The following CACHD1 variants were observed in gnomAD, a reference collection of about 807,000 sequenced individuals.
The protein encoded by CACHD1 is VWFA and cache domain-containing protein 1.
CACHD1 carries 71 observed loss-of-function variants against 138.7 expected under a neutral mutation model. That is an observed-to-expected ratio of 0.51 (90% confidence interval 0.42 to 0.62). The LOEUF (loss-of-function observed/expected upper bound fraction) is 0.62. Ranked by LOEUF, CACHD1 falls within the 20% of genes least tolerant of loss-of-function variation. The pLI is 0.00. For synonymous variants in CACHD1, 578 were observed against 591.5 expected, an observed-to-expected ratio of 0.98 and a Z score of 0.33; for missense variants, 1,389 against 1,625.3, an observed-to-expected ratio of 0.85 and a Z score of 2.50.
At chr1:64,681,541 G>GTTTTTTGTTTT (rs1650182741) in intron 25 of CACHD1, among the ~76,000 whole-genome samples, 1 of 68,132 alleles carries the variant, frequency 1.5e-5, no homozygotes, top group South Asian at 6.3e-4. Context: ...ATTTTATTGT[G>GTTTTTTGTTTT]TTTTTTTTTT....
chr1:64,517,088 G>T (rs1646464655), intron 1 of CACHD1, among the ~76,000 whole-genome samples: 1 of 152,198 alleles, frequency 6.6e-6, no homozygotes, highest in Non-Finnish European at 1.5e-5. Flanking sequence ...CTTGTTATAT[G>T]TGTGAGACAT....
chr1:64,571,481 T>A (rs907411573), intron 2 of CACHD1, among the ~76,000 whole-genome samples: 4 of 152,140 alleles, frequency 2.6e-5, no homozygotes, highest in Non-Finnish European at 4.4e-5. Flanking sequence ...AATAGAAACA[T>A]CTAGATTTTT....
intron 2 of CACHD1, among the ~76,000 whole-genome samples, chr1:64,571,132 C>T (rs1401144686): frequency 6.6e-6 from 1 of 152,174 alleles, no homozygotes; most frequent in African/African-American, 2.4e-5. Flanking sequence ...GCTCCTGCCT[C>T]CTAATGCCAC....
At chr1:64,479,328 G>C (rs770743711) in intron 1 of CACHD1, among the ~76,000 whole-genome samples, 24 of 152,196 alleles carry the variant, frequency 1.6e-4, no homozygotes, top group Non-Finnish European at 2.9e-4. Context: ...GGAGGTTCAG[G>C]ATGCTTGGAG....
intron 8 of CACHD1, among the ~76,000 whole-genome samples, chr1:64,646,905 G>A (rs12061466): frequency 0.22 from 33,966 of 151,986 alleles, 6,295 homozygotes; most frequent in East Asian, 0.63. Context: ...AATAGTTCAT[G>A]GTTTGGTATT....
intron 1 of CACHD1, among the ~76,000 whole-genome samples, chr1:64,477,615 ATTATTATTATT>A: frequency 7.1e-6 from 1 of 141,642 alleles, no homozygotes; most frequent in African/African-American, 2.7e-5. Flanking sequence ...TATTATTATT[ATTATTATTATT>A]TTATTTTATT....
At chr1:64,676,521 T>C (rs1362918869) in intron 21 of CACHD1, among the ~76,000 whole-genome samples, 2 of 152,100 alleles carry the variant, frequency 1.3e-5, no homozygotes, top group Non-Finnish European at 2.9e-5. Flanking sequence ...CAGGATGGAG[T>C]GCAGTGGCGC....
At chr1:64,518,031 G>C (rs980131163) in intron 1 of CACHD1, among the ~76,000 whole-genome samples, 2 of 152,140 alleles carry the variant, frequency 1.3e-5, no homozygotes, top group Non-Finnish European at 2.9e-5. Context: ...TCTCTTCCAG[G>C]CTTCCCTTAC....
In CACHD1 at chr1:64,605,887, T is replaced by C. The variant is rs564294313; in HGVS notation, c.517+2975T>C. Among the ~76,000 whole-genome samples, 4 of 152,206 alleles carry C rather than the reference T, an allele frequency of 2.6e-5. No homozygotes were observed. In the South Asian group the frequency reaches 6.2e-4, roughly 24 times the overall value. ...ATACTCAGGCCATTCTTCCAGGTTATGGACTTTAGCTTTTGCTCTGAATGA... is the reference window on the plus strand; with the variant it reads ...ATACTCAGGCCATTCTTCCAGGTTACGGACTTTAGCTTTTGCTCTGAATGA... On this transcript the variant is annotated intron_variant, in intron 4 of 26. Transcript: ENST00000651257.
chr1:64,664,602 A>G lies in CACHD1; in HGVS notation c.2199A>G (p.Ile733Met), dbSNP rs749642490. 2.5e-6 allele frequency: 4 copies of G among 1,614,106 alleles called. No homozygotes were observed. The African/African-American group carries it at 4.0e-5, about 16-fold the overall frequency. Residue 733 changes from isoleucine (I) to methionine (M), a missense_variant, in exon 15 of 27, where the codon ATA becomes ATG. Around this residue, in one of 5 missense-constraint regions of CACHD1, gnomAD observed 1,000 missense variants for 1,114.7 expected, o/e 0.90. Transcript: ENST00000651257. ...SLNTYIVRRY[I>M]ATPNGVLRIY... ...ACACTTACATTGTCCGCCGTTACAT[A>G]GCAACACCCAATGGCGTCCTCAGAA...
chr1:64,683,032 A>G lies in CACHD1; in HGVS notation c.3586+926A>G, dbSNP rs184427236. On this transcript the variant is annotated intron_variant, in intron 26 of 26. Coordinates refer to ENST00000651257, the MANE Select transcript of CACHD1 (RefSeq NM_020925.4). ...TTAGCTTTTTCCACACCTATCCTGGAAAAAAAAAGTCCTCAAACCTTGTAT... is the reference window on the plus strand; with the variant it reads ...TTAGCTTTTTCCACACCTATCCTGGGAAAAAAAAGTCCTCAAACCTTGTAT... 7.3e-5 allele frequency among the ~76,000 whole-genome samples: 11 copies of G among 151,378 alleles called. No homozygotes were observed. In the East Asian group the frequency reaches 1.5e-3, roughly 21 times the overall value.
chr1:64,481,275 C>G (rs1001952396), intron 1 of CACHD1, among the ~76,000 whole-genome samples: 2 of 152,076 alleles, frequency 1.3e-5, no homozygotes, highest in African/African-American at 2.4e-5. Context: ...AAGCCCAAGA[C>G]GGCAGCATTT....
intron 7 of CACHD1, among the ~76,000 whole-genome samples, chr1:64,640,952 A>G (rs771581228): frequency 6.6e-6 from 1 of 151,944 alleles, no homozygotes; most frequent in Non-Finnish European, 1.5e-5. Flanking sequence ...ACTCTCAGTT[A>G]TTCTACCTCG....
intron 7 of CACHD1, among the ~76,000 whole-genome samples, chr1:64,636,773 A>G (rs12026628): frequency 0.19 from 28,703 of 152,026 alleles, 3,458 homozygotes; most frequent in African/African-American, 0.33. Context: ...GATTAACTCA[A>G]TGTAAGTTTA....
At chr1:64,505,634 C>G (rs1646367958) in intron 1 of CACHD1, among the ~76,000 whole-genome samples, 1 of 138,544 alleles carries the variant, frequency 7.2e-6, no homozygotes, top group Non-Finnish European at 1.6e-5. Context: ...CTCCCCCTCC[C>G]TGGGCGAACC....
At chr1:64,587,066 T>C (rs1647056483) in intron 3 of CACHD1, among the ~76,000 whole-genome samples, 1 of 152,232 alleles carries the variant, frequency 6.6e-6, no homozygotes, top group Non-Finnish European at 1.5e-5. Flanking sequence ...CTGAATCTTC[T>C]TCATTCTTAA....
At chr1:64,635,237 C>G (rs1429909417) in intron 7 of CACHD1, among the ~76,000 whole-genome samples, 1 of 152,012 alleles carries the variant, frequency 6.6e-6, no homozygotes, top group Non-Finnish European at 1.5e-5. Context: ...TTTGCTTCCT[C>G]TTTGACTTGG....
At chr1:64,547,198 T>G (rs1385849178) in intron 1 of CACHD1, among the ~76,000 whole-genome samples, 1 of 152,138 alleles carries the variant, frequency 6.6e-6, no homozygotes, top group Non-Finnish European at 1.5e-5. Context: ...ATGCAATAAT[T>G]TATGTGAAAT....
chr1:64,538,486 G>C (rs1234415235), intron 1 of CACHD1, among the ~76,000 whole-genome samples: 1 of 152,172 alleles, frequency 6.6e-6, no homozygotes, highest in Non-Finnish European at 1.5e-5. Context: ...TAAAATTCTA[G>C]CACAATGGTA....
Sources: allele counts gnomAD v4.1 joint callset (sites outside exome capture counted in the v4.1 genomes callset), GRCh38; gene constraint gnomAD v4.1.1; regional missense constraint gnomAD v4.1.1; transcripts MANE v1.5; gene names NCBI Gene and HGNC (gene_info 2026-07-23, HGNC 2026-07-21).